Variants in BICD2 observed in about 807,000 individuals in gnomAD.
The protein encoded by BICD2 is protein bicaudal D homolog 2.
Under a neutral mutation model 72.9 loss-of-function variants are expected in BICD2, and 25 were observed. The ratio of observed to expected loss-of-function variants is 0.34; its 90% confidence interval spans 0.25 to 0.48. BICD2 has a LOEUF of 0.48. BICD2 is among the 20% of genes least tolerant of loss of function. BICD2 has a pLI of 0.99. For synonymous variants in BICD2, 501 were observed against 516.1 expected (o/e 0.97, Z 0.40); for missense variants, 894 against 1,175.2 (o/e 0.76, Z 3.50).
At chr9:92,759,331 C>T (rs984486464) in intron 1 of BICD2, among the ~76,000 whole-genome samples, 3 of 151,962 alleles carry the variant, frequency 2.0e-5, no homozygotes, top group Admixed American at 6.6e-5. Context: ...ATTTGTCCTG[C>T]GCCATCTACA....
chr9:92,718,664 G>A lies in BICD2; in HGVS notation c.1981C>T (p.Leu661=). Residue 661 remains leucine, a synonymous_variant, in exon 5 of 7, where the codon CTG becomes TTG. Coordinates refer to ENST00000356884, the MANE Select transcript of BICD2 (RefSeq NM_001003800.2). The stretch of plus-strand genomic sequence containing the variant: ...TTGTCCTTGTCCACGGCGGGGCCCA[G>A]CTCCTGAGAGGCAATGCGCTGGCGT... The part of the protein sequence containing the change: ...LSRQRIASQE[L]GPAVDKDKEA... The A allele has an allele frequency of 6.2e-7, 1 of 1,614,076 alleles. No homozygotes were observed. Among genetic ancestry groups the A allele is most frequent in the Non-Finnish European group, 8.5e-7 (1 of 1,180,020 alleles).
chr9:92,718,527 C>T lies in BICD2; in HGVS notation c.2106+12G>A, dbSNP rs764092985. ...AGTAGGTGACATGTGCCCCTGCTGC[C>T]TGGCACCTCACCTGCTTGTTGGCCT... is the stretch of plus-strand genomic sequence containing the variant. On this transcript the variant is annotated intron_variant, in intron 5 of 6. Coordinates refer to ENST00000356884, the MANE Select transcript of BICD2 (RefSeq NM_001003800.2). 2 of 1,598,194 alleles carry T rather than the reference C, an allele frequency of 1.3e-6. No homozygotes were observed. Among genetic ancestry groups the T allele is most frequent in the Admixed American group, 3.4e-5 (2 of 59,306 alleles).
At chr9:92,728,877 G>C in intron 2 of BICD2, 147 bp downstream of exon 2, 1 of 811,708 alleles carries the variant, frequency 1.2e-6, no homozygotes, top group Non-Finnish European at 1.9e-6. Flanking sequence ...GAGTGCAGTG[G>C]AGGATGAGAC....
At chr9:92,728,108 A>G (rs1349092678) in intron 2 of BICD2, among the ~76,000 whole-genome samples, 1 of 152,126 alleles carries the variant, frequency 6.6e-6, no homozygotes, top group Admixed American at 6.5e-5. Flanking sequence ...CAGTGGATGG[A>G]GACTCCTGGC....
intron 2 of BICD2, among the ~76,000 whole-genome samples, chr9:92,724,745 G>A (rs1181439447): frequency 6.6e-6 from 1 of 152,190 alleles, no homozygotes; most frequent in African/African-American, 2.4e-5. Flanking sequence ...TAGTGAGAGT[G>A]CAGCACCCCC....
chr9:92,724,363 C>G (rs1274174435), intron 2 of BICD2, among the ~76,000 whole-genome samples: 1 of 152,050 alleles, frequency 6.6e-6, no homozygotes, highest in Non-Finnish European at 1.5e-5. Context: ...CCTCCCAAAA[C>G]AAAGGAAAAA....
chr9:92,761,487 A>G (rs1456482109), intron 1 of BICD2, among the ~76,000 whole-genome samples: 1 of 152,240 alleles, frequency 6.6e-6, no homozygotes, highest in Non-Finnish European at 1.5e-5. Context: ...GAGGGTGTCC[A>G]GACCTCCTCT....
chr9:92,751,165 T>C (rs1354835568), intron 1 of BICD2, among the ~76,000 whole-genome samples: 1 of 151,432 alleles, frequency 6.6e-6, no homozygotes, highest in Non-Finnish European at 1.5e-5. Flanking sequence ...GTTGTTGTTG[T>C]TTTGAGACAG....
chr9:92,718,770 C>A lies in BICD2; in HGVS notation c.1875G>T (p.Met625Ile), dbSNP rs1339198874. The A allele has an allele frequency of 6.2e-7, 1 of 1,613,862 alleles. No individual in the cohort carries two copies. Among genetic ancestry groups the A allele is most frequent in the Non-Finnish European group, 8.5e-7 (1 of 1,179,980 alleles). Residue 625 changes from methionine to isoleucine, a missense_variant, in exon 5 of 7, where the codon ATG (methionine) becomes ATT (isoleucine). Coordinates refer to ENST00000356884, the MANE Select transcript of BICD2 (RefSeq NM_001003800.2). The stretch of plus-strand genomic sequence containing the variant: ...TGATAGCGATCAGGTTGTAGATGTT[C>A]ATGGGCTCCCGGCGTGGGTCACTCA... ...SPLSDPRREP[M>I]NIYNLIAIIR...
intron 2 of BICD2, among the ~76,000 whole-genome samples, chr9:92,728,520 G>A (rs1462160311): frequency 5.3e-5 from 8 of 152,214 alleles, no homozygotes; most frequent in Admixed American, 5.2e-4. Flanking sequence ...GGCAGCTGGG[G>A]CTACTGGCGG....
chr9:92,729,995 G>A (rs948733124), intron 1 of BICD2, among the ~76,000 whole-genome samples: 1 of 152,208 alleles, frequency 6.6e-6, no homozygotes, highest in Admixed American at 6.5e-5. Context: ...GCTGTGTCAT[G>A]TCCATGCCCC....
intron 2 of BICD2, among the ~76,000 whole-genome samples, chr9:92,723,276 C>T (rs1042176327): frequency 6.6e-6 from 1 of 152,208 alleles, no homozygotes; most frequent in Admixed American, 6.5e-5. Flanking sequence ...TTCACAGCAG[C>T]AGCGTTCATT....
rs748866068 is a variant in BICD2, at chr9:92,720,557, C to T, written c.805G>A (p.Asp269Asn). 6.2e-7 allele frequency: 1 copy of T among 1,614,164 alleles called. No homozygotes were observed. The change falls in exon 4 of 7, where the codon GAC becomes AAC. Residue 269 changes from aspartate to asparagine, a missense_variant. Around this residue, in one of 5 missense-constraint regions of BICD2, gnomAD observed 371 missense variants for 439.1 expected, o/e 0.84. Coordinates refer to ENST00000356884, the MANE Select transcript of BICD2 (RefSeq NM_001003800.2). The surrounding 1 kb of genome is among the most constrained non-coding windows in gnomAD (Gnocchi z 5.4). The part of the protein sequence containing the change: ...KELSHYMSIN[D>N]SFYTSHLHVS... ...TGCAGGTGGCTGGTGTAGAAGGAGT[C>T]ATTGATGCTCATGTAGTGTGACAGC...
At chr9:92,719,657 C>G in intron 4 of BICD2, 75 bp from the exon 5 acceptor site, 1 of 1,442,200 alleles carries the variant, frequency 6.9e-7, no homozygotes, top group Non-Finnish European at 9.2e-7. Flanking sequence ...CCCAAGATGG[C>G]CTAGTGACAT....
At chr9:92,750,344 G>A (rs1053484603) in intron 1 of BICD2, among the ~76,000 whole-genome samples, 1 of 152,026 alleles carries the variant, frequency 6.6e-6, no homozygotes, top group African/African-American at 2.4e-5. Context: ...ACTTGTACGT[G>A]AATGTTTAAA....
At chr9:92,756,850 G>C (rs973518583) in intron 1 of BICD2, among the ~76,000 whole-genome samples, 16 of 148,802 alleles carry the variant, frequency 1.1e-4, no homozygotes, top group Admixed American at 5.4e-4. Context: ...CTGGGCAACA[G>C]AGTGAGACTC....
At position 92,714,788 on chromosome 9, in the gene BICD2, C is replaced by A. The variant is rs1045491576; in HGVS notation, c.*366G>T. ...CATGCAAGTCTCAACTCAGGTTCTG[C>A]CCCTTTTGGGTGCTGAGGGAGCAGG... On this transcript the variant is annotated 3_prime_UTR_variant, in exon 7 of 7. Coordinates refer to ENST00000356884, the MANE Select transcript of BICD2 (RefSeq NM_001003800.2). 2.9e-6 allele frequency: 3 copies of A among 1,038,696 alleles called. No homozygotes were observed. In the African/African-American group the frequency reaches 5.1e-5, roughly 18 times the overall value. 64.3% of individuals were successfully genotyped at this position (1,038,696 alleles called of 1,614,324 possible).
chr9:92,764,731 G>A lies in BICD2; in HGVS notation c.14C>T (p.Ser5Leu), dbSNP rs769376640. 145 of 1,571,304 alleles carry A rather than the reference G, an allele frequency of 9.2e-5. No individual in the cohort carries two copies. The highest frequency in any genetic ancestry group is 1.0e-5 in the Non-Finnish European group (12 of 1,167,628). ...CAGCCGCGCGTACTCCTCCTCCTCC[G>A]ACGGCGCCGACATGGTGGCCGAGGG... is the stretch of plus-strand genomic sequence containing the variant. MSAP[S>L]EEEEYARLVM... Residue 5 changes from serine (S) to leucine (L), a missense_variant, in exon 1 of 7, where the codon TCG becomes TTG. By Grantham distance (145) the Ser-to-Leu change is moderately radical. Transcript: ENST00000356884. The surrounding 1 kb of genome is among the most constrained non-coding windows in gnomAD (Gnocchi z 5.5).
chr9:92,718,092 C>G (rs529679364), intron 5 of BICD2, 144 bp from the exon 6 acceptor site: 1 of 1,035,810 alleles, frequency 9.7e-7, no homozygotes, highest in South Asian at 1.5e-5. Context: ...CTGTGACAAA[C>G]CCTGGGGATG....
Sources: gnomAD v4.1 joint callset for allele counts (sites outside exome capture counted in the v4.1 genomes callset) on GRCh38, gnomAD v4.1.1 for gene constraint, gnomAD v4.1.1 regional missense constraint, Gnocchi (gnomAD v3.1) non-coding constraint, MANE v1.5 for transcripts, NCBI Gene and HGNC (gene_info 2026-07-23, HGNC 2026-07-21) for gene names.